DICER1: variants seen among roughly 807,000 people sequenced by gnomAD.
The protein encoded by DICER1 is endoribonuclease Dicer.
In DICER1, 43 loss-of-function variants were observed where a neutral mutation model predicts 194.1. That is an observed-to-expected ratio of 0.22 (90% CI 0.17 to 0.29). The LOEUF (loss-of-function observed/expected upper bound fraction) is 0.29. Among genes scored for constraint, DICER1 ranks in the 10% least tolerant of loss-of-function variants. The pLI is 1.00. For synonymous variants in DICER1, 832 were observed against 820.5 expected (o/e 1.01, Z -0.24); for missense variants, 1,608 against 2,317.0 (o/e 0.69, Z 6.28).
rs2139779898 is a variant in DICER1 at position 95,091,363 on chromosome 14, A to G, written c.5367T>C (p.Leu1789=). ...TCTCTTCATCCTCCTCAGATCTCCT[A>G]AGCTATTACAGAGGGAAAAGTGACT... The part of the protein sequence containing the change: ...KNEMQGMDSE[L]RRSEEDEEKE... The change falls in exon 25 of 27, where the codon CTT becomes CTC. Residue 1789 remains leucine (L), a splice_region_variant and synonymous_variant. Transcript: ENST00000343455. 1 of 1,614,028 alleles carries G rather than the reference A, an allele frequency of 6.2e-7. No homozygotes were observed. The highest frequency in any genetic ancestry group is 8.5e-7 in the Non-Finnish European group (1 of 1,179,948).
chr14:95,118,830 A>G (rs990039835), intron 8 of DICER1, among the ~76,000 whole-genome samples: 1 of 152,122 alleles, frequency 6.6e-6, no homozygotes, highest in African/African-American at 2.4e-5. Flanking sequence ...GAAACAGACT[A>G]ATAATAAAGA....
At chr14:95,116,052 T>TACACAG (rs1555372715) in intron 10 of DICER1, among the ~76,000 whole-genome samples, 1 of 143,094 alleles carries the variant, frequency 7.0e-6, no homozygotes, top group Non-Finnish European at 1.5e-5. Context: ...GTACCGTGCC[T>TACACAG]ACACAGACAC....
chr14:95,111,243 G>A lies in DICER1; in HGVS notation c.2256+74C>T, dbSNP rs573860725. On this transcript the variant is annotated intron_variant, in intron 14 of 26. Coordinates refer to ENST00000343455, the MANE Select transcript of DICER1 (RefSeq NM_177438.3). ...GGGTGTGGGAAGCCAGCCAAGCAGA[G>A]GAACTGAGATTTGATGTAGCGGAAA... The A allele has an allele frequency of 9.6e-4, 1,512 of 1,579,352 alleles. 8 individuals carry two copies. The highest frequency in any genetic ancestry group is 3.0e-3 in the Middle Eastern group (18 of 5,994).
rs1274915631 is a variant in DICER1 at position 95,124,820 on chromosome 14, A to ATTAGCCTTT, written c.904-161_904-153dup. On this transcript the variant is annotated intron_variant, in intron 7 of 26. Transcript: ENST00000343455. The surrounding 1 kb of genome is among the most constrained non-coding windows in gnomAD (Gnocchi z 4.5). ...GTCCCTGAAGGTGGGGGGAGAGGCC[A>ATTAGCCTTT]TTAGCCTTTTCAAGCTCATTTCGTA... 1 of 660,800 alleles carries ATTAGCCTTT rather than the reference A, an allele frequency of 1.5e-6. No homozygotes were observed. Among genetic ancestry groups the ATTAGCCTTT allele is most frequent in the African/African-American group, 1.8e-5 (1 of 54,876 alleles). 40.9% of individuals were successfully genotyped at this position (660,800 alleles called of 1,614,324 possible).
intron 4 of DICER1, 62 bp downstream of exon 4, chr14:95,131,447 C>G (rs1451262903): frequency 1.3e-6 from 2 of 1,526,206 alleles, no homozygotes; most frequent in Non-Finnish European, 1.8e-6. Context: ...TACAGATCAT[C>G]TTACAAACCA....
intron 1 of DICER1, among the ~76,000 whole-genome samples, chr14:95,144,586 A>C (rs1181378292): frequency 6.6e-6 from 1 of 152,180 alleles, no homozygotes; most frequent in South Asian, 2.1e-4. Flanking sequence ...TAAACTCTTA[A>C]AATTTTATGA....
rs878855277 is a variant in DICER1 at position 95,126,606 on chromosome 14, T to G, written c.877A>C (p.Arg293=). 6.5e-7 allele frequency: 1 copy of G among 1,542,254 alleles called. No individual in the cohort carries two copies. The highest frequency in any genetic ancestry group is 9.0e-7 in the Non-Finnish European group (1 of 1,114,934). The change falls in exon 7 of 27, where the codon AGA becomes CGA. Residue 293 remains arginine, a synonymous_variant. Coordinates refer to ENST00000343455, the MANE Select transcript of DICER1 (RefSeq NM_177438.3). ...TGTTTCGAAATTAAAGTAGAATCTC[T>G]TTCTTTTGAATGTACAGATATATTA... The part of the protein sequence containing the change: ...DCNISVHSKE[R]DSTLISKQIL...
In DICER1 at chr14:95,143,240, A is replaced by G. The variant is rs370895961; in HGVS notation, c.-45-9737T>C. 1.9e-4 allele frequency among the ~76,000 whole-genome samples: 29 copies of G among 152,348 alleles called. No individual in the cohort carries two copies. The East Asian group carries it at 4.8e-3, about 25-fold the overall frequency. ...GATACAAGGCATTATTTTAACTGCA[A>G]TCACGCCTACATCACTTAGGACAGC... is the stretch of plus-strand genomic sequence containing the variant. On this transcript the variant is annotated intron_variant, in intron 1 of 26. Coordinates refer to ENST00000343455, the MANE Select transcript of DICER1 (RefSeq NM_177438.3).
chr14:95,111,188 A>T, intron 14 of DICER1, 129 bp downstream of exon 14: 1 of 960,412 alleles, frequency 1.0e-6, no homozygotes, highest in Non-Finnish European at 1.7e-6. Flanking sequence ...CGGAGAAAGG[A>T]GCTGAGATCC....
chr14:95,104,529 C>T (rs146284942), intron 20 of DICER1, among the ~76,000 whole-genome samples: 1 of 152,352 alleles, frequency 6.6e-6, no homozygotes, highest in African/African-American at 2.4e-5. Context: ...ATAGCACTGT[C>T]TTAATGATTA....
intron 1 of DICER1, among the ~76,000 whole-genome samples, chr14:95,143,824 CT>C: frequency 6.6e-6 from 1 of 152,220 alleles, no homozygotes; most frequent in Admixed American, 6.5e-5. Context: ...CTAACATTAG[CT>C]TTTTTATTTT....
At chr14:95,118,275 C>G (rs567424591) in intron 8 of DICER1, among the ~76,000 whole-genome samples, 1 of 152,194 alleles carries the variant, frequency 6.6e-6, no homozygotes, top group South Asian at 2.1e-4. Flanking sequence ...AACCTTCACC[C>G]CCAACAAATG....
chr14:95,109,066 G>C (rs980527531), intron 14 of DICER1, among the ~76,000 whole-genome samples: 1 of 152,102 alleles, frequency 6.6e-6, no homozygotes, highest in Admixed American at 6.5e-5. Context: ...TGTATATTAG[G>C]GTATGTGTGT....
In DICER1 at chr14:95,109,977, T is replaced by C. The variant is rs1891809364; in HGVS notation, c.2256+1340A>G. On this transcript the variant is annotated intron_variant, in intron 14 of 26. Coordinates refer to ENST00000343455, the MANE Select transcript of DICER1 (RefSeq NM_177438.3). The stretch of plus-strand genomic sequence containing the variant: ...AAACTATCATAAATATGTACAAACG[T>C]ATTTTAAAAAGCATAATATATGCTG... Among the ~76,000 whole-genome samples, 3 of 152,334 alleles carry C rather than the reference T, an allele frequency of 2.0e-5. No homozygotes were observed. The South Asian group carries it at 6.2e-4, about 32-fold the overall frequency.
At chr14:95,126,458 A>G (rs1447232505) in intron 7 of DICER1, 122 bp downstream of exon 7, 8 of 653,960 alleles carry the variant, frequency 1.2e-5, no homozygotes, top group Non-Finnish European at 2.1e-5. Flanking sequence ...ATGTCTAAAA[A>G]GATTAAGACC....
intron 1 of DICER1, among the ~76,000 whole-genome samples, chr14:95,138,967 T>TAAA (rs1338658181): frequency 5.4e-5 from 2 of 37,026 alleles, no homozygotes; most frequent in Non-Finnish European, 1.5e-4. Flanking sequence ...TAGAGTATAA[T>TAAA]AAAAAAAATA....
intron 21 of DICER1, among the ~76,000 whole-genome samples, chr14:95,100,395 C>A (rs971860557): frequency 1.3e-5 from 2 of 152,212 alleles, no homozygotes; most frequent in African/African-American, 4.8e-5. Context: ...AAAGTGAAAA[C>A]TGGCACCGAA....
intron 1 of DICER1, among the ~76,000 whole-genome samples, chr14:95,153,185 C>G (rs1414680369): frequency 6.6e-6 from 1 of 151,618 alleles, no homozygotes; most frequent in African/African-American, 2.4e-5. Flanking sequence ...CCACTGCACT[C>G]CAGCCTGGGC....
chr14:95,099,914 G>A lies in DICER1; in HGVS notation c.4072C>T (p.Arg1358Cys), dbSNP rs1185001854. The A allele has an allele frequency of 6.8e-6, 11 of 1,613,818 alleles. No homozygotes were observed. Among genetic ancestry groups the A allele is most frequent in the Admixed American group, 5.0e-5 (3 of 59,992 alleles). The change falls in exon 22 of 27, where the codon CGC becomes TGC. Residue 1358 changes from arginine to cysteine, a missense_variant. Around this residue, in one of 10 missense-constraint regions of DICER1, gnomAD observed 58 missense variants for 125.7 expected, o/e 0.46. Transcript: ENST00000343455. ...SKKVSNCNLYRLGKKKGLPSR... is the reference protein window; with the variant it reads ...SKKVSNCNLYCLGKKKGLPSR... ...GGTAGTCCCTTCTTTTTTCCAAGGCGATACAGATTACAGTTGCTGACCTTT... is the reference window on the plus strand; with the variant it reads ...GGTAGTCCCTTCTTTTTTCCAAGGCAATACAGATTACAGTTGCTGACCTTT...
Sources: gnomAD v4.1 joint callset for allele counts (sites outside exome capture counted in the v4.1 genomes callset) on GRCh38, gnomAD v4.1.1 for gene constraint, gnomAD v4.1.1 regional missense constraint, Gnocchi (gnomAD v3.1) non-coding constraint, MANE v1.5 for transcripts, NCBI Gene and HGNC (gene_info 2026-07-23, HGNC 2026-07-21) for gene names.